CHST9: variants seen among roughly 807,000 people sequenced by gnomAD.
CHST9 encodes GalNAc-4-sulfotransferase 2.
Under a neutral mutation model 44.4 loss-of-function variants are expected in CHST9, and 41 were observed. The observed-to-expected ratio is 0.92, with a 90% CI of 0.72 to 1.20. CHST9 has a LOEUF of 1.20. Ranked by LOEUF, CHST9 falls within the 50% of genes most tolerant of loss-of-function variation. CHST9 has a pLI of 0.00. For synonymous variants in CHST9, 171 were observed against 178.4 expected, an observed-to-expected ratio of 0.96 and a Z score of 0.33; for missense variants, 504 against 516.5, an observed-to-expected ratio of 0.98 and a Z score of 0.23.
intron 2 of CHST9, among the ~76,000 whole-genome samples, chr18:27,098,576 G>C (rs1431533267): frequency 6.6e-6 from 1 of 152,098 alleles, no homozygotes; most frequent in Non-Finnish European, 1.5e-5. Context: ...TGATAGGCTG[G>C]ATAAAGAAAA....
intron 2 of CHST9, among the ~76,000 whole-genome samples, chr18:27,130,321 G>T (rs1286568250): frequency 6.6e-6 from 1 of 152,098 alleles, no homozygotes; most frequent in Non-Finnish European, 1.5e-5. Context: ...TATTTTAATC[G>T]ATTTTCAATG....
chr18:27,005,935 G>A (rs1439320706), intron 4 of CHST9, among the ~76,000 whole-genome samples: 2 of 152,306 alleles, frequency 1.3e-5, no homozygotes, highest in South Asian at 4.1e-4. Flanking sequence ...GCTAGTAACT[G>A]ATTTTGAATG....
chr18:26,961,470 C>T (rs543254478), intron 4 of CHST9, among the ~76,000 whole-genome samples: 89 of 152,012 alleles, frequency 5.9e-4, no homozygotes, highest in African/African-American at 2.1e-3. Flanking sequence ...GGCTCCATTG[C>T]CCAGGCTGGA....
In CHST9 at chr18:27,145,464, G is replaced by A. The variant is rs193269371; in HGVS notation, c.-96-2559C>T. On this transcript the variant is annotated intron_variant, in intron 1 of 5. Coordinates refer to ENST00000618847, the MANE Select transcript of CHST9 (RefSeq NM_031422.6). ...CTCCCAAAGTGCTGGGATTACAGGC[G>A]TGAGCCACTGCCCCTGGCCTGAATA... 2.6e-3 allele frequency among the ~76,000 whole-genome samples: 403 copies of A among 152,320 alleles called. 1 individual carries two copies. Among genetic ancestry groups the A allele is most frequent in the Middle Eastern group, 6.8e-3 (2 of 294 alleles).
At chr18:26,922,529 A>G (rs16942955) in intron 5 of CHST9, among the ~76,000 whole-genome samples, 5,928 of 152,314 alleles carry the variant, frequency 0.039, 394 homozygotes, top group African/African-American at 0.13. Flanking sequence ...AAAGACATGT[A>G]ACTACAGATT....
At chr18:27,153,312 AT>A (rs1193055097) in intron 1 of CHST9, among the ~76,000 whole-genome samples, 1 of 152,114 alleles carries the variant, frequency 6.6e-6, no homozygotes, top group East Asian at 1.9e-4. Context: ...ACAGAAATGT[AT>A]TCTGTTACAG....
intron 2 of CHST9, among the ~76,000 whole-genome samples, chr18:27,136,236 C>T (rs1302771703): frequency 6.6e-6 from 1 of 152,138 alleles, no homozygotes; most frequent in Non-Finnish European, 1.5e-5. Flanking sequence ...TTATCCAGAG[C>T]AATGGAGAAG....
intron 3 of CHST9, among the ~76,000 whole-genome samples, chr18:27,038,485 G>T (rs1449075094): frequency 1.3e-5 from 2 of 152,114 alleles, no homozygotes; most frequent in Non-Finnish European, 2.9e-5. Context: ...GGTGAAGGTT[G>T]CAGTGAGCTG....
intron 2 of CHST9, among the ~76,000 whole-genome samples, chr18:27,087,903 G>A (rs2058028474): frequency 6.6e-6 from 1 of 152,146 alleles, no homozygotes; most frequent in African/African-American, 2.4e-5. Flanking sequence ...GTGTTAATGA[G>A]CAATCTCCCA....
At chr18:27,126,879 G>A (rs1030230482) in intron 2 of CHST9, among the ~76,000 whole-genome samples, 1 of 152,170 alleles carries the variant, frequency 6.6e-6, no homozygotes, top group Non-Finnish European at 1.5e-5. Context: ...ATAGACTGAG[G>A]CAGTAGTAAT....
chr18:27,064,061 T>C (rs879876733), intron 2 of CHST9, among the ~76,000 whole-genome samples: 54 of 152,290 alleles, frequency 3.5e-4, no homozygotes, highest in African/African-American at 1.3e-3. Flanking sequence ...AGAGACTTTT[T>C]TTTTAAGCTC....
intron 1 of CHST9, among the ~76,000 whole-genome samples, chr18:27,183,819 A>G (rs1411680334): frequency 6.6e-6 from 1 of 152,168 alleles, no homozygotes; most frequent in Non-Finnish European, 1.5e-5. Flanking sequence ...CCCATGAAAA[A>G]CAATAGCATT....
intron 4 of CHST9, among the ~76,000 whole-genome samples, chr18:27,019,639 G>A (rs1037471672): frequency 1.1e-4 from 15 of 136,094 alleles, no homozygotes; most frequent in Admixed American, 4.4e-4. Flanking sequence ...TATTCTTGCC[G>A]TCAAGGACGC....
At chr18:27,100,283 G>A (rs991361946) in intron 2 of CHST9, among the ~76,000 whole-genome samples, 2 of 152,104 alleles carry the variant, frequency 1.3e-5, no homozygotes, top group South Asian at 2.1e-4. Context: ...TGGAGCCAAT[G>A]GTTGAAAAAC....
At chr18:27,077,455 C>T (rs576413893) in intron 2 of CHST9, among the ~76,000 whole-genome samples, 13 of 152,204 alleles carry the variant, frequency 8.5e-5, no homozygotes, top group African/African-American at 3.1e-4. Flanking sequence ...GAAAAATACC[C>T]TTTATATCTG....
At chr18:26,927,374 T>C (rs2055788201) in intron 5 of CHST9, among the ~76,000 whole-genome samples, 1 of 152,000 alleles carries the variant, frequency 6.6e-6, no homozygotes, top group African/African-American at 2.4e-5. Context: ...AGACAAAGTA[T>C]AGAGAAAGAA....
chr18:26,912,237 T>A lies in CHST9; in HGVS notation c.*4022A>T, dbSNP rs2055449608. The A allele has an allele frequency of 6.6e-6, 1 of 152,182 alleles. No homozygotes were observed. The highest frequency in any genetic ancestry group is 2.1e-4 in the South Asian group (1 of 4,828). The allele number at this position is 152,182 out of a possible 1,614,324, so 9.4% of individuals were successfully genotyped here. On this transcript the variant is annotated 3_prime_UTR_variant, in exon 6 of 6. Coordinates refer to ENST00000618847, the MANE Select transcript of CHST9 (RefSeq NM_031422.6). ...TATTTTTTCTTCTTAAAAACATTGT[T>A]TCCATGATTAACTAAGGATTACAAA...
intron 2 of CHST9, among the ~76,000 whole-genome samples, chr18:27,085,833 G>A (rs955931945): frequency 4.6e-5 from 7 of 152,170 alleles, no homozygotes; most frequent in Non-Finnish European, 1.0e-4. Flanking sequence ...GTTCATTGCA[G>A]TACTGTTCAC....
chr18:27,006,939 C>T (rs781080725), intron 4 of CHST9, among the ~76,000 whole-genome samples: 7 of 152,044 alleles, frequency 4.6e-5, no homozygotes, highest in South Asian at 2.1e-4. Flanking sequence ...TTATGCTTTC[C>T]GTATTCCAGT....
Sources: allele counts gnomAD v4.1 joint callset (sites outside exome capture counted in the v4.1 genomes callset), GRCh38; gene constraint gnomAD v4.1.1; transcripts MANE v1.5; gene names NCBI Gene and HGNC (gene_info 2026-07-23, HGNC 2026-07-21).